Variants in ARID1B observed in about 807,000 individuals in gnomAD.
ARID1B encodes the protein AT-rich interactive domain-containing protein 1B.
A neutral mutation model predicts 212.3 loss-of-function variants in ARID1B; 30 were observed. The observed-to-expected ratio is 0.14, with a 90% confidence interval of 0.11 to 0.19. The LOEUF (loss-of-function observed/expected upper bound fraction) is 0.19. Among genes scored for constraint, ARID1B ranks in the 10% least tolerant of loss-of-function variants. The pLI is 1.00. For missense variants in ARID1B, 2,891 were observed against 3,204.0 expected (o/e 0.90, Z 2.36); for synonymous variants, 1,402 against 1,301.7 (o/e 1.08, Z -1.66).
chr6:156,813,469 TA>T (rs1781757321), intron 1 of ARID1B, among the ~76,000 whole-genome samples: 1 of 152,174 alleles, frequency 6.6e-6, no homozygotes, highest in Non-Finnish European at 1.5e-5. Context: ...CTTATTTATG[TA>T]GCATTCATTC....
In ARID1B at chr6:156,934,940, ATATATATATATATATATATAT is replaced by A. The variant is rs1562494795; in HGVS notation, c.2137-525_2137-505del. On this transcript the variant is annotated intron_variant, in intron 3 of 19. Transcript: ENST00000636930. ...TATATATATATATATATATATATAT[ATATATATATATATATATATAT>A]AGTTTATATTTCTGCTGTTATTCAC... Among the ~76,000 whole-genome samples the A allele has an allele frequency of 3.5e-3, 325 of 92,384 alleles. 4 individuals carry two copies. Among genetic ancestry groups the A allele is most frequent in the African/African-American group, 0.012 (314 of 25,384 alleles). The allele number at this position is 92,384 out of a possible 152,430, so 60.6% of individuals were successfully genotyped here.
chr6:156,855,828 A>G (rs1784884507), intron 2 of ARID1B, among the ~76,000 whole-genome samples: 1 of 152,204 alleles, frequency 6.6e-6, no homozygotes, highest in Admixed American at 6.5e-5. Context: ...TCTGGAATCT[A>G]GGAACCAGAT....
intron 2 of ARID1B, among the ~76,000 whole-genome samples, chr6:156,839,758 G>T (rs1783764805): frequency 6.6e-6 from 1 of 152,230 alleles, no homozygotes. Context: ...GGCCGTGAGA[G>T]TGATAAGCAC....
chr6:156,980,268 C>T (rs944548391), intron 4 of ARID1B, among the ~76,000 whole-genome samples: 3 of 151,894 alleles, frequency 2.0e-5, no homozygotes, highest in Non-Finnish European at 4.4e-5. Flanking sequence ...AGATCACCTG[C>T]GGTCAGGAGT....
chr6:157,115,670 G>T (rs35823661), intron 6 of ARID1B, among the ~76,000 whole-genome samples: 1 of 152,096 alleles, frequency 6.6e-6, no homozygotes, highest in Non-Finnish European at 1.5e-5. Context: ...CTCGTGATCC[G>T]CCTGCCTCTG....
At chr6:157,017,394 G>A (rs1583153164) in intron 4 of ARID1B, among the ~76,000 whole-genome samples, 2 of 152,264 alleles carry the variant, frequency 1.3e-5, no homozygotes, top group East Asian at 3.9e-4. Flanking sequence ...GGGACCACAG[G>A]AAGATGTTCT....
At position 156,878,003 on chromosome 6, in the gene ARID1B, A is replaced by G. The variant is rs551580335; in HGVS notation, c.1987-23373A>G. ...AGTGTTGGGATTACAGGCGTGAACC[A>G]CCGCGTCTGGCCCATGTTTATCCTT... On this transcript the variant is annotated intron_variant, in intron 2 of 19. Transcript: ENST00000636930. 3.7e-3 allele frequency among the ~76,000 whole-genome samples: 557 copies of G among 152,142 alleles called. 4 individuals are homozygous for G. Among genetic ancestry groups the G allele is most frequent in the African/African-American group, 0.013 (526 of 41,500 alleles).
At chr6:157,114,607 A>G (rs1450474740) in intron 6 of ARID1B, among the ~76,000 whole-genome samples, 1 of 150,770 alleles carries the variant, frequency 6.6e-6, no homozygotes, top group Non-Finnish European at 1.5e-5. Flanking sequence ...TTGCTTCTGT[A>G]CTGCTGAGTG....
chr6:156,824,452 A>G (rs1782600207), intron 1 of ARID1B, among the ~76,000 whole-genome samples: 1 of 152,198 alleles, frequency 6.6e-6, no homozygotes, highest in Non-Finnish European at 1.5e-5. Flanking sequence ...AAATGGTCAT[A>G]CCCGGATAGA....
chr6:157,194,116 ATT>A (rs1404296547), intron 15 of ARID1B: 1 of 152,110 alleles, frequency 6.6e-6, no homozygotes, highest in Non-Finnish European at 1.5e-5. Flanking sequence ...TTGATTGACC[ATT>A]TGTTTTTCTT....
At chr6:157,137,635 C>T (rs1430980475) in intron 7 of ARID1B, among the ~76,000 whole-genome samples, 1 of 152,132 alleles carries the variant, frequency 6.6e-6, no homozygotes, top group Admixed American at 6.5e-5. Flanking sequence ...TATAAACACT[C>T]GGGCCTTAGT....
intron 8 of ARID1B, 94 bp downstream of exon 8, chr6:157,149,045 A>T (rs1279911989): frequency 7.7e-7 from 1 of 1,293,520 alleles, no homozygotes; most frequent in Non-Finnish European, 1.1e-6. Flanking sequence ...CCCTGGGGTC[A>T]CACAGAGCAG....
At chr6:157,175,725 T>C (rs1181564304) in intron 11 of ARID1B, 1 of 152,172 alleles carries the variant, frequency 6.6e-6, no homozygotes, top group Non-Finnish European at 1.5e-5. Context: ...TCAGGGAATT[T>C]TGTAAGCCTC....
upstream of ARID1B, chr6:156,776,547 G>A (rs1054360469): frequency 6.6e-6 from 1 of 152,238 alleles, no homozygotes; most frequent in Non-Finnish European, 1.5e-5. Context: ...ACCCATAGCT[G>A]TCGCTGTTCT....
chr6:157,178,676 T>G (rs112986111), intron 11 of ARID1B, among the ~76,000 whole-genome samples: 3,434 of 152,290 alleles, frequency 0.023, 132 homozygotes, highest in African/African-American at 0.078. Flanking sequence ...CATTTAATTT[T>G]TCCAGTGTTA....
chr6:156,957,816 G>A (rs1794079988), intron 4 of ARID1B, among the ~76,000 whole-genome samples: 1 of 151,936 alleles, frequency 6.6e-6, no homozygotes, highest in Admixed American at 6.6e-5. Flanking sequence ...GGATGAGTAG[G>A]GGTTCTGCTG....
chr6:156,997,606 A>G (rs1326105793), intron 4 of ARID1B, among the ~76,000 whole-genome samples: 1 of 152,034 alleles, frequency 6.6e-6, no homozygotes, highest in Non-Finnish European at 1.5e-5. Flanking sequence ...CTTATTTACA[A>G]AGTTCAGGTG....
rs1448942636 is a variant in ARID1B, at chr6:156,778,482, G to C, written c.802G>C (p.Glu268Gln). Residue 268 changes from glutamate (E) to glutamine (Q), a missense_variant, in exon 1 of 20, where the codon GAG (glutamate) becomes CAG (glutamine). Glu to Gln is a conservative substitution (Grantham distance 29). This residue lies in a region of ARID1B where 1,643 missense variants were observed against 1,544.0 expected (regional missense o/e 1.06). Transcript: ENST00000636930. ...GPPLLSKPGD[E>Q]DDAPPKMGEP... ...GCCGCTGCTGAGCAAGCCGGGCGAC[G>C]AGGACGACGCGCCGCCCAAGATGGG... is the stretch of plus-strand genomic sequence containing the variant. 12 of 1,293,576 alleles carry C rather than the reference G, an allele frequency of 9.3e-6. No homozygotes were observed. The highest frequency in any genetic ancestry group is 9.7e-7 in the Non-Finnish European group (1 of 1,027,576). The allele number at this position is 1,293,576 out of a possible 1,614,324, so 80.1% of individuals were successfully genotyped here.
intron 4 of ARID1B, among the ~76,000 whole-genome samples, chr6:156,991,770 G>A (rs1583096292): frequency 6.6e-6 from 1 of 152,218 alleles, no homozygotes; most frequent in East Asian, 1.9e-4. Flanking sequence ...AACGTCCTGA[G>A]TTTTTTCCCA....
Sources: allele counts gnomAD v4.1 joint callset (sites outside exome capture counted in the v4.1 genomes callset), GRCh38; gene constraint gnomAD v4.1.1; regional missense constraint gnomAD v4.1.1; transcripts MANE v1.5; gene names NCBI Gene and HGNC (gene_info 2026-07-23, HGNC 2026-07-21).